KCNMA1: variants seen among roughly 807,000 people sequenced by gnomAD.
The protein encoded by KCNMA1 is potassium calcium-activated channel subfamily M alpha 1, also known as Calcium-activated potassium channel subunit alpha-1.
KCNMA1 carries 29 observed loss-of-function variants against 140.0 expected under a neutral mutation model. The observed-to-expected ratio is 0.21, with a 90% CI of 0.15 to 0.28. The LOEUF is 0.28. Among genes scored for constraint, KCNMA1 ranks in the 10% least tolerant of loss-of-function variants. The pLI, the probability that KCNMA1 is intolerant of heterozygous loss-of-function variation, is 1.00. For synonymous variants in KCNMA1, 612 were observed against 611.9 expected, an observed-to-expected ratio of 1.00 and a Z score of 0.00; for missense variants, 880 against 1,602.2, an observed-to-expected ratio of 0.55 and a Z score of 7.70.
chr10:77,534,424 TA>T (rs2058393817), intron 1 of KCNMA1, among the ~76,000 whole-genome samples: 1 of 152,152 alleles, frequency 6.6e-6, no homozygotes, highest in African/African-American at 2.4e-5. Context: ...CAAGCAGGCT[TA>T]AAGAAAATGC....
At chr10:77,225,726 C>T (rs1053291788) in intron 3 of KCNMA1, among the ~76,000 whole-genome samples, 2 of 152,162 alleles carry the variant, frequency 1.3e-5, no homozygotes, top group African/African-American at 4.8e-5. Flanking sequence ...CAGGAGGAGA[C>T]AGGAACTGGG....
chr10:77,008,414 G>T (rs1195985182), intron 18 of KCNMA1, among the ~76,000 whole-genome samples: 2 of 152,156 alleles, frequency 1.3e-5, no homozygotes. Context: ...TATAGAAAAA[G>T]AAAATGAGTA....
chr10:77,370,022 C>T (rs1465076441), intron 2 of KCNMA1, among the ~76,000 whole-genome samples: 1 of 152,310 alleles, frequency 6.6e-6, no homozygotes, highest in East Asian at 1.9e-4. Context: ...CATGTCTCAG[C>T]TACAGCAAGG....
At chr10:77,607,502 C>A (rs1449241178) in intron 1 of KCNMA1, among the ~76,000 whole-genome samples, 1 of 152,144 alleles carries the variant, frequency 6.6e-6, no homozygotes, top group Non-Finnish European at 1.5e-5. Flanking sequence ...AGAGATTAGC[C>A]TGGATCATCC....
chr10:77,415,796 A>T (rs1365237555), intron 1 of KCNMA1, among the ~76,000 whole-genome samples: 1 of 152,166 alleles, frequency 6.6e-6, no homozygotes, highest in Non-Finnish European at 1.5e-5. Flanking sequence ...GCTGCCCCTG[A>T]TGTGGTACGG....
chr10:76,887,631 T>A (rs189697500), intron 27 of KCNMA1, 116 bp from the exon 28 acceptor site: 1 of 1,185,966 alleles, frequency 8.4e-7, no homozygotes, highest in Non-Finnish European at 1.2e-6. Context: ...ATCTGGAAGA[T>A]GCACTCCTAG....
chr10:77,089,729 G>T (rs1044296866), intron 10 of KCNMA1, among the ~76,000 whole-genome samples: 1 of 152,146 alleles, frequency 6.6e-6, no homozygotes, highest in African/African-American at 2.4e-5. Context: ...AGCCCAACTA[G>T]GTAGGAACTA....
intron 19 of KCNMA1, chr10:76,979,465 T>TTTC (rs1363241772): frequency 6.6e-6 from 1 of 152,110 alleles, no homozygotes; most frequent in African/African-American, 2.4e-5. Context: ...CCAATGTTAC[T>TTTC]TTCTTTTTCT....
chr10:77,008,202 G>A lies in KCNMA1; in HGVS notation c.2092+3765C>T. On this transcript the variant is annotated intron_variant, in intron 18 of 27. Transcript: ENST00000286628. ...TTACTCACAATATATCACTACCAGT[G>A]TGCAGTTAAAATAGAGTAGGGGCCG... The A allele has an allele frequency of 2.6e-6, 4 of 1,534,720 alleles. 1 individual carries two copies. In the South Asian group the frequency reaches 4.8e-5, roughly 18 times the overall value.
chr10:77,614,135 A>G (rs1287336195), intron 1 of KCNMA1, among the ~76,000 whole-genome samples: 1 of 152,242 alleles, frequency 6.6e-6, no homozygotes. Flanking sequence ...CAGCTTCCAG[A>G]AAAAATTAAA....
chr10:77,004,467 T>C (rs1382833705), intron 18 of KCNMA1, among the ~76,000 whole-genome samples: 1 of 152,152 alleles, frequency 6.6e-6, no homozygotes, highest in Non-Finnish European at 1.5e-5. Flanking sequence ...TGGGTCCACT[T>C]TCTTAAAAGG....
chr10:77,634,494 G>C (rs182234412), intron 1 of KCNMA1: 9 of 985,374 alleles, frequency 9.1e-6, no homozygotes, highest in East Asian at 1.1e-4. Flanking sequence ...CGATCCCAGA[G>C]ACCAAACGCT....
chr10:77,319,551 C>A (rs1003303110), intron 2 of KCNMA1, among the ~76,000 whole-genome samples: 1 of 152,184 alleles, frequency 6.6e-6, no homozygotes, highest in Non-Finnish European at 1.5e-5. Context: ...GCAGTCTTCA[C>A]CCCTTGTAGA....
At chr10:77,501,221 T>C (rs147504573) in intron 1 of KCNMA1, among the ~76,000 whole-genome samples, 1,619 of 152,338 alleles carry the variant, frequency 0.011, 13 homozygotes, top group Non-Finnish European at 0.019. Flanking sequence ...CCTCTTGGCA[T>C]GGCCCTGAGG....
intron 6 of KCNMA1, among the ~76,000 whole-genome samples, chr10:77,118,102 C>T (rs994730535): frequency 6.6e-6 from 1 of 152,188 alleles, no homozygotes; most frequent in East Asian, 1.9e-4. Flanking sequence ...CATTGCAAAG[C>T]CTCCATCCCT....
At chr10:77,595,954 T>C (rs767679086) in intron 1 of KCNMA1, among the ~76,000 whole-genome samples, 1 of 152,152 alleles carries the variant, frequency 6.6e-6, no homozygotes, top group Non-Finnish European at 1.5e-5. Context: ...CCAGCCCAGA[T>C]AGGTTAGTTT....
rs905182604 is a variant in KCNMA1 at position 77,189,545 on chromosome 10, T to A, written c.603-4629A>T. ...ATGATGAAGTACAGATGGGGAGGGG[T>A]TACGGAGACCATCATTTACAAGGGA... On this transcript the variant is annotated intron_variant, in intron 3 of 27. Transcript: ENST00000286628. Among the ~76,000 whole-genome samples the A allele has an allele frequency of 7.9e-5, 12 of 151,960 alleles. No homozygotes were observed. The East Asian group carries it at 2.3e-3, about 29-fold the overall frequency.
intron 15 of KCNMA1, among the ~76,000 whole-genome samples, chr10:77,034,880 A>G (rs1220248444): frequency 6.6e-6 from 1 of 152,202 alleles, no homozygotes; most frequent in Non-Finnish European, 1.5e-5. Flanking sequence ...ATATTTTGCA[A>G]ATGATGAATG....
At chr10:77,529,916 C>T (rs558522342) in intron 1 of KCNMA1, among the ~76,000 whole-genome samples, 2 of 152,300 alleles carry the variant, frequency 1.3e-5, no homozygotes, top group South Asian at 4.2e-4. Context: ...TAGGCTCTCC[C>T]CACCTCTTAC....
Sources: gnomAD v4.1 joint callset for allele counts (sites outside exome capture counted in the v4.1 genomes callset) on GRCh38, gnomAD v4.1.1 for gene constraint, MANE v1.5 for transcripts, NCBI Gene and HGNC (gene_info 2026-07-23, HGNC 2026-07-21) for gene names.